Variants in XYLT1 observed in about 807,000 individuals in gnomAD.
The protein encoded by XYLT1 is beta-D-xylosyltransferase 1.
In XYLT1, 36 loss-of-function variants were observed where a neutral mutation model predicts 91.3. The observed-to-expected ratio is 0.39, with a 90% CI of 0.30 to 0.52. The LOEUF (loss-of-function observed/expected upper bound fraction) is 0.52, where lower values mean the gene tolerates loss of function less well. XYLT1 is among the 20% of genes least tolerant of loss of function. The pLI is 0.68. For missense variants in XYLT1, 1,242 were observed against 1,284.5 expected (o/e 0.97, Z 0.51); for synonymous variants, 588 against 532.0 (o/e 1.11, Z -1.45).
rs141770680 is a variant in XYLT1, at chr16:17,208,887, G to A, written c.914-8233C>T. Among the ~76,000 whole-genome samples the A allele has an allele frequency of 3.9e-3, 597 of 152,192 alleles. 4 individuals are homozygous for A. Among genetic ancestry groups the A allele is most frequent in the African/African-American group, 0.014 (571 of 41,540 alleles). On this transcript the variant is annotated intron_variant, in intron 3 of 11. Transcript: ENST00000261381. Reference sequence around the variant, plus strand: ...CTACAGGTGCCCACCACCACGCCCGGCTAATTTTTTTGTATTTTTAGTAGA... The same window carrying A: ...CTACAGGTGCCCACCACCACGCCCGACTAATTTTTTTGTATTTTTAGTAGA...
At chr16:17,237,378 T>C (rs2033265502) in intron 3 of XYLT1, among the ~76,000 whole-genome samples, 1 of 152,184 alleles carries the variant, frequency 6.6e-6, no homozygotes, top group Admixed American at 6.5e-5. Flanking sequence ...TTGGCCTCCC[T>C]TGGGGTGACT....
At chr16:17,247,662 C>T (rs532361801) in intron 3 of XYLT1, among the ~76,000 whole-genome samples, 2 of 152,240 alleles carry the variant, frequency 1.3e-5, no homozygotes, top group Admixed American at 1.3e-4. Flanking sequence ...CTTTCGCAGC[C>T]GATAAAGTGG....
rs561323018 is a variant in XYLT1, at chr16:17,402,749, T to C, written c.364-44699A>G. ...ATATCCTTTTTTTTCTTTTCTTTTT[T>C]TTTTTTTTTAAGAGATAGGGTCTTA... On this transcript the variant is annotated intron_variant, in intron 1 of 11. Transcript: ENST00000261381. 4.6e-4 allele frequency among the ~76,000 whole-genome samples: 70 copies of C among 151,140 alleles called. 2 individuals are homozygous for C. The South Asian group carries it at 0.013, about 29-fold the overall frequency.
At chr16:17,390,358 G>T (rs970584082) in intron 1 of XYLT1, among the ~76,000 whole-genome samples, 1 of 152,274 alleles carries the variant, frequency 6.6e-6, no homozygotes, top group South Asian at 2.1e-4. Flanking sequence ...GGTGGGGAGT[G>T]GTAAGAAGGT....
In XYLT1 at chr16:17,230,508, G is replaced by A. The variant is rs147243224; in HGVS notation, c.913+28480C>T. 7.2e-5 allele frequency among the ~76,000 whole-genome samples: 11 copies of A among 152,330 alleles called. No individual in the cohort carries two copies. The East Asian group carries it at 2.1e-3, about 29-fold the overall frequency. On this transcript the variant is annotated intron_variant, in intron 3 of 11. Coordinates refer to ENST00000261381, the MANE Select transcript of XYLT1 (RefSeq NM_022166.4). ...CTCTGCACCCTGAAATCTGCCTGCT[G>A]TCTGTCAGTCAACTGGAGTTGTTTT...
chr16:17,225,544 G>A (rs2033047736), intron 3 of XYLT1, among the ~76,000 whole-genome samples: 1 of 151,902 alleles, frequency 6.6e-6, no homozygotes, highest in Admixed American at 6.6e-5. Context: ...CCAGAAACTT[G>A]CCACCTGCGA....
chr16:17,355,054 T>C (rs1393433078), intron 2 of XYLT1: 1 of 152,566 alleles, frequency 6.6e-6, no homozygotes, highest in African/African-American at 2.4e-5. Flanking sequence ...TGCAGACAAA[T>C]TGAAGCTCTT....
At chr16:17,365,275 C>G (rs1257547773) in intron 1 of XYLT1, among the ~76,000 whole-genome samples, 1 of 152,174 alleles carries the variant, frequency 6.6e-6, no homozygotes, top group Non-Finnish European at 1.5e-5. Flanking sequence ...CTCATTGCAG[C>G]AACCAAGGTG....
At chr16:17,416,354 G>A (rs62030322) in intron 1 of XYLT1, among the ~76,000 whole-genome samples, 5 of 152,324 alleles carry the variant, frequency 3.3e-5, no homozygotes, top group African/African-American at 1.2e-4. Context: ...TGGAGAGGAT[G>A]GGCCCCACTC....
intron 5 of XYLT1, among the ~76,000 whole-genome samples, chr16:17,174,992 G>A (rs2031907873): frequency 6.6e-6 from 1 of 152,048 alleles, no homozygotes; most frequent in Admixed American, 6.6e-5. Flanking sequence ...GGCTGGTCTC[G>A]AATTCCTGAC....
chr16:17,147,593 T>C (rs1050315804), intron 6 of XYLT1, among the ~76,000 whole-genome samples: 1 of 152,212 alleles, frequency 6.6e-6, no homozygotes, highest in South Asian at 2.1e-4. Context: ...ACGCATGCTT[T>C]GGTTAACTAA....
At position 17,358,767 on chromosome 16, in the gene XYLT1, A is replaced by G. The variant is rs575793195; in HGVS notation, c.364-717T>C. 2.0e-5 allele frequency among the ~76,000 whole-genome samples: 3 copies of G among 152,308 alleles called. No individual in the cohort carries two copies. In the East Asian group the frequency reaches 5.8e-4, roughly 29 times the overall value. ...ATTAGGAATAAACCAGAAAGAATAT[A>G]AAGTCCTGACTAGGAACAAGGCCAT... On this transcript the variant is annotated intron_variant, in intron 1 of 11. Transcript: ENST00000261381.
rs150479809 is a variant in XYLT1, at chr16:17,441,904, T to C, written c.363+28530A>G. 7.6e-3 allele frequency among the ~76,000 whole-genome samples: 1,165 copies of C among 152,320 alleles called. 15 individuals are homozygous for C. The highest frequency in any genetic ancestry group is 0.026 in the East Asian group (137 of 5,178). On this transcript the variant is annotated intron_variant, in intron 1 of 11. Transcript: ENST00000261381. ...TTATTTTTGCCATCCCCTTCTGTGATGGTTAATTTAATGTATCAACTTGAT... is the reference window on the plus strand; with the variant it reads ...TTATTTTTGCCATCCCCTTCTGTGACGGTTAATTTAATGTATCAACTTGAT...
intron 6 of XYLT1, among the ~76,000 whole-genome samples, chr16:17,151,016 C>T (rs1047681002): frequency 2.6e-5 from 4 of 152,062 alleles, no homozygotes; most frequent in East Asian, 1.9e-4. Context: ...TCATAGGGGC[C>T]GACTTGATCT....
chr16:17,393,996 C>T (rs1170831963), intron 1 of XYLT1, among the ~76,000 whole-genome samples: 5 of 152,068 alleles, frequency 3.3e-5, no homozygotes, highest in East Asian at 3.9e-4. Context: ...AGGATGGTCT[C>T]GATCTCCTGA....
intron 2 of XYLT1, among the ~76,000 whole-genome samples, chr16:17,336,927 T>A (rs868171825): frequency 8.5e-5 from 13 of 152,196 alleles, no homozygotes; most frequent in Non-Finnish European, 1.5e-4. Context: ...ACCATTTTTT[T>A]AAAAGCCCTT....
At chr16:17,170,664 G>A (rs774107819) in intron 5 of XYLT1, among the ~76,000 whole-genome samples, 16 of 152,152 alleles carry the variant, frequency 1.1e-4, no homozygotes, top group Non-Finnish European at 1.9e-4. Context: ...GTACTGACAC[G>A]CTGACCTTTC....
At chr16:17,192,619 C>A (rs1025683746) in intron 5 of XYLT1, among the ~76,000 whole-genome samples, 4 of 152,172 alleles carry the variant, frequency 2.6e-5, no homozygotes, top group Admixed American at 2.6e-4. Context: ...GCTGGGTACA[C>A]AACCAGCTCC....
At chr16:17,441,863 C>T (rs767970330) in intron 1 of XYLT1, among the ~76,000 whole-genome samples, 4 of 152,112 alleles carry the variant, frequency 2.6e-5, no homozygotes, top group Non-Finnish European at 5.9e-5. Flanking sequence ...AGAGCTTAAA[C>T]GTCAAAGCGT....
Sources: allele counts gnomAD v4.1 joint callset (sites outside exome capture counted in the v4.1 genomes callset), GRCh38; gene constraint gnomAD v4.1.1; transcripts MANE v1.5; gene names NCBI Gene and HGNC (gene_info 2026-07-23, HGNC 2026-07-21).